Variants in ODF2 observed in about 807,000 individuals in gnomAD.
The protein encoded by ODF2 is outer dense fiber of sperm tails 2.
In ODF2, 47 loss-of-function variants were observed where a neutral mutation model predicts 110.2. The ratio of observed to expected loss-of-function variants is 0.43; its 90% CI spans 0.34 to 0.54. The LOEUF is 0.54. ODF2 is among the 20% of genes least tolerant of loss of function. ODF2 has a pLI of 0.03. For missense variants in ODF2, 812 were observed against 1,054.5 expected, an observed-to-expected ratio of 0.77 and a Z score of 3.19; for synonymous variants, 352 against 397.7, an observed-to-expected ratio of 0.89 and a Z score of 1.37.
In ODF2 at chr9:128,471,165, T is replaced by A. The variant is rs568959941; in HGVS notation, c.421-143T>A. 4.2e-6 allele frequency: 3 copies of A among 709,772 alleles called. No homozygotes were observed. In the African/African-American group the frequency reaches 5.6e-5, roughly 13 times the overall value. The allele number at this position is 709,772 out of a possible 1,614,324, so 44.0% of individuals were successfully genotyped here. On this transcript the variant is annotated intron_variant, in intron 5 of 20. Coordinates refer to ENST00000604420, the Ensembl canonical transcript of ODF2. Reference sequence around the variant, plus strand: ...CTGACCAAAAGTGACCTACCCACCTTGGCCTCCCAAAGTGCTGGGATTACA... The same window carrying A: ...CTGACCAAAAGTGACCTACCCACCTAGGCCTCCCAAAGTGCTGGGATTACA...
At chr9:128,470,583 G>A (rs1026581799) in intron 5 of ODF2, among the ~76,000 whole-genome samples, 2 of 151,222 alleles carry the variant, frequency 1.3e-5, no homozygotes, top group Admixed American at 6.6e-5. Flanking sequence ...AGATCGTACC[G>A]CTGCACTCCA....
At chr9:128,499,776 AT>A (rs1846254685) in intron 20 of ODF2, among the ~76,000 whole-genome samples, 1 of 151,892 alleles carries the variant, frequency 6.6e-6, no homozygotes, top group South Asian at 2.1e-4. Flanking sequence ...CACCCAGCTA[AT>A]TTTTGTATTT....
chr9:128,460,287 T>C, intron 3 of ODF2: 2 of 1,381,766 alleles, frequency 1.4e-6, no homozygotes, highest in South Asian at 2.4e-5. Flanking sequence ...GTCTGGGATC[T>C]GTTCTGGAAC....
At chr9:128,495,705 A>G (rs1371596656) in intron 17 of ODF2, among the ~76,000 whole-genome samples, 2 of 152,198 alleles carry the variant, frequency 1.3e-5, no homozygotes, top group Non-Finnish European at 2.9e-5. Flanking sequence ...GTTGGTTTGT[A>G]TGGGCCAGTT....
At chr9:128,469,574 G>A (rs571055878) in intron 5 of ODF2, 8 of 561,576 alleles carry the variant, frequency 1.4e-5, no homozygotes, top group African/African-American at 7.5e-5. Context: ...AGCTGTCCTG[G>A]TGCTCCACAT....
In ODF2 at chr9:128,485,499, A is replaced by G; in HGVS notation, c.1400+25A>G. 1 of 1,328,838 alleles carries G rather than the reference A, an allele frequency of 7.5e-7. No homozygotes were observed. The highest frequency in any genetic ancestry group is 1.1e-6 in the Non-Finnish European group (1 of 925,638). The allele number at this position is 1,328,838 out of a possible 1,614,324, so 82.3% of individuals were successfully genotyped here. ...AGTACGTCTTAGAGTAGGAGAGGGA[A>G]TGTGGCGCTGTTGAGGGACTTGGGT... On this transcript the variant is annotated intron_variant, in intron 13 of 20. Transcript: ENST00000604420. The surrounding 1 kb of genome is among the most constrained non-coding windows in gnomAD (Gnocchi z 5.0).
At chr9:128,484,470 C>A (rs1187935116) in intron 11 of ODF2, among the ~76,000 whole-genome samples, 1 of 152,180 alleles carries the variant, frequency 6.6e-6, no homozygotes, top group Admixed American at 6.5e-5. Flanking sequence ...GACCTAATAT[C>A]AAGACCCCAT....
intron 1 of ODF2, chr9:128,456,621 C>G (rs1178918118): frequency 6.6e-7 from 1 of 1,507,314 alleles, no homozygotes. Flanking sequence ...CTCTCCCTCG[C>G]TCTGCTGCCC....
chr9:128,457,380 CA>C, exon 2 of ODF2: 1 of 1,612,928 alleles, frequency 6.2e-7, no homozygotes, highest in Non-Finnish European at 8.5e-7. Flanking sequence ...CCCAATTGCC[CA>C]CCTTTGCGGC....
exon 8 of ODF2, chr9:128,473,630 G>C: frequency 1.2e-6 from 2 of 1,613,376 alleles, no homozygotes; most frequent in Non-Finnish European, 1.7e-6. Flanking sequence ...TGACCTGCAC[G>C]GACATCAACA....
rs1836312508 is a variant in ODF2 at position 128,461,062 on chromosome 9, T to TG, written c.247dup (p.Glu83GlyfsTer25). ...ATCTGCCCGGCCTGTGGGATGCAAG[T>TG]GGGAGGTAGGCTCACCCTTGCCCAG... On this transcript the variant is annotated frameshift_variant, in exon 4 of 21. Transcript: ENST00000604420. LOFTEE classifies it high-confidence loss of function. 3 of 1,614,064 alleles carry TG rather than the reference T, an allele frequency of 1.9e-6. No homozygotes were observed. The highest frequency in any genetic ancestry group is 1.3e-5 in the African/African-American group (1 of 75,044).
chr9:128,456,774 C>T (rs955869605), intron 1 of ODF2: 3 of 1,312,148 alleles, frequency 2.3e-6, no homozygotes, highest in African/African-American at 3.1e-5. Flanking sequence ...GGGGTCCCGC[C>T]CGCCCCCTCC....
At chr9:128,484,353 T>C (rs1034892410) in intron 11 of ODF2, among the ~76,000 whole-genome samples, 17 of 152,032 alleles carry the variant, frequency 1.1e-4, no homozygotes, top group Admixed American at 1.0e-3. Flanking sequence ...AAAGGGATGG[T>C]CTCTTTGTAG....
At position 128,485,620 on chromosome 9, in the gene ODF2, G is replaced by A; in HGVS notation, c.1400+146G>A. The A allele has an allele frequency of 3.4e-6, 2 of 590,500 alleles. No homozygotes were observed. Among genetic ancestry groups the A allele is most frequent in the Non-Finnish European group, 6.1e-6 (2 of 326,698 alleles). The allele number at this position is 590,500 out of a possible 1,614,324, so 36.6% of individuals were successfully genotyped here. On this transcript the variant is annotated intron_variant, in intron 13 of 20. Transcript: ENST00000604420. The surrounding 1 kb of genome is among the most constrained non-coding windows in gnomAD (Gnocchi z 5.0). ...GCTGCACTGGGCTGTGATGTGGGTA[G>A]CCCTGAGCTGGGCTTTCTGGTTGGA... is the stretch of plus-strand genomic sequence containing the variant.
intron 1 of ODF2, chr9:128,456,568 TGCCTGCTGGTGGGTG>T (rs1405696249): frequency 5.2e-6 from 8 of 1,526,486 alleles, no homozygotes; most frequent in Non-Finnish European, 7.0e-6. Flanking sequence ...GGTACCCTCC[TGCCTGCTGGTGGGTG>T]GCCGTCCCTT....
intron 4 of ODF2, 102 bp from the exon 5 acceptor site, chr9:128,469,081 T>TA (rs1839054085): frequency 1.7e-6 from 2 of 1,147,080 alleles, no homozygotes; most frequent in Non-Finnish European, 1.3e-6. Flanking sequence ...AGTTAGCTGT[T>TA]ACAGCTTTTC....
intron 4 of ODF2, among the ~76,000 whole-genome samples, chr9:128,463,449 C>A (rs1214061440): frequency 6.6e-6 from 1 of 152,106 alleles, no homozygotes; most frequent in Non-Finnish European, 1.5e-5. Flanking sequence ...CGAGACCCTG[C>A]CTCTACAAAA....
chr9:128,459,547 G>C lies in ODF2; in HGVS notation c.33-20G>C. ...GCCCTAGTTTTCTGCTTACAATCTG[G>C]TTCTTGTGCCTGGGTGCAGGTTTCC... On this transcript the variant is annotated intron_variant, in intron 2 of 20. Coordinates refer to ENST00000604420, the Ensembl canonical transcript of ODF2. The C allele has an allele frequency of 1.9e-6, 3 of 1,603,800 alleles. No homozygotes were observed. Among genetic ancestry groups the C allele is most frequent in the Non-Finnish European group, 2.6e-6 (3 of 1,171,564 alleles).
exon 15 of ODF2, chr9:128,492,524 C>G (rs1449588154): frequency 6.2e-7 from 1 of 1,612,282 alleles, no homozygotes; most frequent in Non-Finnish European, 8.5e-7. Context: ...TGATTGACAA[C>G]TATAAGAGTC....
Sources: gnomAD v4.1 joint callset for allele counts (sites outside exome capture counted in the v4.1 genomes callset) on GRCh38, gnomAD v4.1.1 for gene constraint, Gnocchi (gnomAD v3.1) non-coding constraint, MANE v1.5 for transcripts, NCBI Gene and HGNC (gene_info 2026-07-23, HGNC 2026-07-21) for gene names.